The following NRXN1 variants were observed in gnomAD, a reference collection of about 807,000 sequenced individuals.
The protein encoded by NRXN1 is neurexin-1.
NRXN1 carries 39 observed loss-of-function variants against 150.9 expected under a neutral mutation model. The observed-to-expected ratio is 0.26, with a 90% CI of 0.20 to 0.34. NRXN1 has a LOEUF of 0.34. Among genes scored for constraint, NRXN1 ranks in the 10% least tolerant of loss-of-function variants. The pLI is 1.00. For synonymous variants in NRXN1, 924 were observed against 757.0 expected (o/e 1.22, Z -3.62); for missense variants, 1,815 against 1,949.9 (o/e 0.93, Z 1.30).
intron 17 of NRXN1, among the ~76,000 whole-genome samples, chr2:50,405,875 C>G (rs2082718924): frequency 6.6e-6 from 1 of 152,056 alleles, no homozygotes; most frequent in Admixed American, 6.6e-5. Context: ...ATTCTCCAGT[C>G]ATTTTTGAAG....
At chr2:50,183,357 A>T (rs187500383) in intron 18 of NRXN1, among the ~76,000 whole-genome samples, 2 of 152,000 alleles carry the variant, frequency 1.3e-5, no homozygotes, top group Non-Finnish European at 1.5e-5. Context: ...AAGTGTAATA[A>T]AATTCAGCAA....
intron 17 of NRXN1, among the ~76,000 whole-genome samples, chr2:50,387,506 C>A (rs1464467954): frequency 2.0e-5 from 3 of 152,116 alleles, no homozygotes; most frequent in African/African-American, 4.8e-5. Flanking sequence ...AACACGGGAA[C>A]CTGTTGTCCT....
intron 19 of NRXN1, among the ~76,000 whole-genome samples, chr2:50,072,599 T>C (rs1198455682): frequency 1.5e-5 from 2 of 137,246 alleles, no homozygotes; most frequent in Admixed American, 7.2e-5. Flanking sequence ...TAAATAGTCA[T>C]GGCAAAAAAA....
chr2:50,272,071 T>G (rs2069749012), intron 17 of NRXN1, among the ~76,000 whole-genome samples: 6 of 152,114 alleles, frequency 3.9e-5, no homozygotes, highest in Admixed American at 3.9e-4. Context: ...GAAATGGGTG[T>G]GAGGACAAAT....
At chr2:50,532,763 T>TA (rs990646644) in intron 10 of NRXN1, among the ~76,000 whole-genome samples, 430 of 147,110 alleles carry the variant, frequency 2.9e-3, no homozygotes, top group African/African-American at 6.2e-3. Flanking sequence ...AAGAAATGAA[T>TA]AAAAAAAAAA....
intron 5 of NRXN1, among the ~76,000 whole-genome samples, chr2:50,796,317 T>A (rs1265281234): frequency 6.6e-6 from 1 of 152,202 alleles, no homozygotes; most frequent in Admixed American, 6.6e-5. Flanking sequence ...TTTAACCACT[T>A]CATCATATTT....
At chr2:50,446,916 G>A (rs755769218) in intron 17 of NRXN1, among the ~76,000 whole-genome samples, 33 of 152,070 alleles carry the variant, frequency 2.2e-4, no homozygotes, top group Non-Finnish European at 2.9e-5. Context: ...TGTCTGATTT[G>A]AGGGAAAGTG....
chr2:50,439,694 G>A (rs2085765135), intron 17 of NRXN1, among the ~76,000 whole-genome samples: 1 of 151,860 alleles, frequency 6.6e-6, no homozygotes, highest in African/African-American at 2.4e-5. Context: ...GCGGGTACCT[G>A]TAGTCCCAGC....
rs191915208 is a variant in NRXN1, at chr2:50,221,539, A to G, written c.3546+15250T>C. 2.3e-4 allele frequency among the ~76,000 whole-genome samples: 35 copies of G among 152,174 alleles called. 1 individual carries two copies. In the East Asian group the frequency reaches 6.2e-3, roughly 27 times the overall value. ...CAATGAAAAAACTATAATTTTGGTT[A>G]TATCTCACATGCTTAAATTATATTT... On this transcript the variant is annotated intron_variant, in intron 18 of 22. Coordinates refer to ENST00000401669, the MANE Select transcript of NRXN1 (RefSeq NM_001330078.2).
chr2:50,217,369 C>T (rs755398191), intron 18 of NRXN1, among the ~76,000 whole-genome samples: 3 of 151,900 alleles, frequency 2.0e-5, no homozygotes, highest in African/African-American at 7.3e-5. Flanking sequence ...TAAAGCATGA[C>T]CCCATATACC....
At chr2:50,068,323 T>G (rs1695681025) in intron 19 of NRXN1, among the ~76,000 whole-genome samples, 1 of 152,210 alleles carries the variant, frequency 6.6e-6, no homozygotes, top group Admixed American at 6.5e-5. Flanking sequence ...ACCACTGAAG[T>G]AAAATAACCA....
At chr2:50,965,983 T>C (rs534117128) in intron 2 of NRXN1, among the ~76,000 whole-genome samples, 31 of 151,696 alleles carry the variant, frequency 2.0e-4, no homozygotes, top group African/African-American at 6.0e-4. Context: ...TCACCATAGA[T>C]TTTTGTCTTC....
At chr2:50,721,710 T>C (rs1253765847) in intron 5 of NRXN1, among the ~76,000 whole-genome samples, 2 of 152,120 alleles carry the variant, frequency 1.3e-5, no homozygotes, top group Non-Finnish European at 2.9e-5. Context: ...CTGGACCTTG[T>C]GGTATGTTTT....
At chr2:50,466,464 G>C in intron 16 of NRXN1, 1 of 474,092 alleles carries the variant, frequency 2.1e-6, no homozygotes, top group Non-Finnish European at 4.4e-6. Flanking sequence ...TATCTACCTT[G>C]CAAGTCAGCT....
At chr2:50,209,055 G>A (rs555517419) in intron 18 of NRXN1, among the ~76,000 whole-genome samples, 44 of 152,066 alleles carry the variant, frequency 2.9e-4, no homozygotes, top group Non-Finnish European at 5.7e-4. Context: ...AAAAAAGTAT[G>A]AGAATCCATG....
chr2:50,189,571 T>A (rs2061323183), intron 18 of NRXN1, among the ~76,000 whole-genome samples: 1 of 152,088 alleles, frequency 6.6e-6, no homozygotes, highest in Non-Finnish European at 1.5e-5. Context: ...CTAGTATATT[T>A]CATATTATGT....
chr2:50,051,707 A>G (rs889399173), intron 21 of NRXN1, among the ~76,000 whole-genome samples: 7 of 152,110 alleles, frequency 4.6e-5, no homozygotes, highest in African/African-American at 1.7e-4. Context: ...ACGAGAGAAA[A>G]TCAACAAAAG....
Position 50,804,050 on chromosome 2 carries a change from G to T in NRXN1, c.832+117819C>A, listed in dbSNP as rs545767207. Among the ~76,000 whole-genome samples, 7 of 152,266 alleles carry T rather than the reference G, an allele frequency of 4.6e-5. 1 individual carries two copies. In the South Asian group the frequency reaches 1.4e-3, roughly 32 times the overall value. On this transcript the variant is annotated intron_variant, in intron 5 of 22. Coordinates refer to ENST00000401669, the MANE Select transcript of NRXN1 (RefSeq NM_001330078.2). Reference sequence around the variant, plus strand: ...CCTTGCAATATCCACAGTAGAAAATGAAGATAAGTAAATATTGCTGTGATT... The same window carrying T: ...CCTTGCAATATCCACAGTAGAAAATTAAGATAAGTAAATATTGCTGTGATT...
At chr2:50,767,550 C>T (rs1702514337) in intron 5 of NRXN1, among the ~76,000 whole-genome samples, 1 of 152,000 alleles carries the variant, frequency 6.6e-6, no homozygotes, top group South Asian at 2.1e-4. Flanking sequence ...CGACAGTGTG[C>T]TAAGGGACTG....
Sources: allele counts gnomAD v4.1 joint callset (sites outside exome capture counted in the v4.1 genomes callset), GRCh38; gene constraint gnomAD v4.1.1; transcripts MANE v1.5; gene names NCBI Gene and HGNC (gene_info 2026-07-23, HGNC 2026-07-21).